DOCK1: variants seen among roughly 807,000 people sequenced by gnomAD.
The protein encoded by DOCK1 is dedicator of cytokinesis 1, also known as dedicator of cytokinesis protein 1.
A neutral mutation model predicts 262.7 loss-of-function variants in DOCK1; 138 were observed. The ratio of observed to expected loss-of-function variants is 0.53; its 90% CI spans 0.46 to 0.61. DOCK1 has a LOEUF of 0.61. Among genes scored for constraint, DOCK1 ranks in the 20% least tolerant of loss-of-function variants. The probability of loss-of-function intolerance (pLI) is 0.00; values close to 1 mark genes in which losing one functional copy is unlikely to be tolerated. For missense variants in DOCK1, 1,908 were observed against 2,370.7 expected, an observed-to-expected ratio of 0.80 and a Z score of 4.05; for synonymous variants, 866 against 867.4, an observed-to-expected ratio of 1.00 and a Z score of 0.03.
At position 127,232,547 on chromosome 10, in the gene DOCK1, G is replaced by C. The variant is rs535516487; in HGVS notation, c.2848-15461G>C. Among the ~76,000 whole-genome samples the C allele has an allele frequency of 2.0e-3, 298 of 152,240 alleles. 2 individuals are homozygous for C. The highest frequency in any genetic ancestry group is 6.7e-3 in the African/African-American group (280 of 41,548). ...TGATAATGATTTTATACTAAATAAT[G>C]GTGATATTCCTACCATATTTACCAC... On this transcript the variant is annotated intron_variant, in intron 27 of 51. Transcript: ENST00000623213.
At chr10:126,949,093 G>C (rs886329644) in intron 1 of DOCK1, among the ~76,000 whole-genome samples, 4 of 152,068 alleles carry the variant, frequency 2.6e-5, no homozygotes, top group Admixed American at 1.3e-4. Context: ...ACGTTCTGCT[G>C]GGGGGAGGTG....
chr10:127,378,016 A>G (rs1196863830), intron 35 of DOCK1, among the ~76,000 whole-genome samples: 1 of 152,042 alleles, frequency 6.6e-6, no homozygotes, highest in African/African-American at 2.4e-5. Context: ...TGGAACTTGG[A>G]TGTATATTTG....
chr10:126,929,983 C>G (rs2034066506), intron 1 of DOCK1, among the ~76,000 whole-genome samples: 1 of 152,160 alleles, frequency 6.6e-6, no homozygotes, highest in Non-Finnish European at 1.5e-5. Flanking sequence ...CCTCTTCCCC[C>G]AGCTCCTGGC....
intron 1 of DOCK1, among the ~76,000 whole-genome samples, chr10:126,918,196 C>T (rs890181124): frequency 6.6e-6 from 1 of 151,206 alleles, no homozygotes; most frequent in African/African-American, 2.5e-5. Flanking sequence ...GGGGACTCCA[C>T]TGATGCCTGG....
chr10:126,940,072 C>T (rs996961175), intron 1 of DOCK1, among the ~76,000 whole-genome samples: 1 of 152,162 alleles, frequency 6.6e-6, no homozygotes, highest in African/African-American at 2.4e-5. Context: ...AGTGCCTTTC[C>T]AACCTTTGAG....
At chr10:127,241,327 TAAC>T (rs1369529318) in intron 27 of DOCK1, among the ~76,000 whole-genome samples, 2 of 152,100 alleles carry the variant, frequency 1.3e-5, no homozygotes, top group Admixed American at 1.3e-4. Context: ...TCAAAAATAA[TAAC>T]AATAATAATT....
intron 27 of DOCK1, among the ~76,000 whole-genome samples, chr10:127,186,621 G>C (rs1004448407): frequency 6.7e-6 from 1 of 150,298 alleles, no homozygotes; most frequent in African/African-American, 2.5e-5. Context: ...GAGCCAAACC[G>C]TATCAGAGGG....
At chr10:127,305,825 CGTTTT>C (rs2061852700) in intron 29 of DOCK1, among the ~76,000 whole-genome samples, 1 of 152,148 alleles carries the variant, frequency 6.6e-6, no homozygotes, top group South Asian at 2.1e-4. Context: ...AGTAGTTTTT[CGTTTT>C]GTTTTTTCAG....
chr10:127,123,321 A>G (rs2133052428), intron 25 of DOCK1, among the ~76,000 whole-genome samples: 1 of 152,286 alleles, frequency 6.6e-6, no homozygotes, highest in Admixed American at 6.5e-5. Flanking sequence ...TGACCAAGTG[A>G]CAGGGTTGGG....
rs530588930 is a variant in DOCK1, at chr10:126,983,267, G to A, written c.227+1294G>A. On this transcript the variant is annotated intron_variant, in intron 4 of 51. Transcript: ENST00000623213. ...TTGCCACGGCCACTCAAGCCTAGCT[G>A]CCCAACAGCTCCTTCCCTGAAGAAC... Among the ~76,000 whole-genome samples, 7 of 152,268 alleles carry A rather than the reference G, an allele frequency of 4.6e-5. No homozygotes were observed. The South Asian group carries it at 1.4e-3, about 32-fold the overall frequency.
chr10:127,332,552 G>A (rs905789021), intron 29 of DOCK1, among the ~76,000 whole-genome samples: 4 of 151,920 alleles, frequency 2.6e-5, no homozygotes, highest in African/African-American at 9.7e-5. Flanking sequence ...CCACATCCCC[G>A]TCTCTCACGG....
At chr10:127,068,277 A>G (rs1024526435) in intron 23 of DOCK1, among the ~76,000 whole-genome samples, 2 of 152,196 alleles carry the variant, frequency 1.3e-5, no homozygotes, top group Non-Finnish European at 2.9e-5. Context: ...TCTGGGATCC[A>G]CACGGCTACT....
intron 29 of DOCK1, among the ~76,000 whole-genome samples, chr10:127,309,572 G>A (rs1423944122): frequency 1.3e-5 from 2 of 152,078 alleles, no homozygotes; most frequent in Non-Finnish European, 2.9e-5. Flanking sequence ...TATCATTTTG[G>A]GTTTTACATG....
intron 22 of DOCK1, among the ~76,000 whole-genome samples, chr10:127,053,522 A>G (rs1378816470): frequency 2.0e-5 from 3 of 152,206 alleles, no homozygotes; most frequent in Non-Finnish European, 2.9e-5. Context: ...GCTTTAGCCT[A>G]GTGACAGTTT....
At chr10:127,093,231 C>CTTTCTTTCTTTCTTTTCT (rs1564797651) in intron 23 of DOCK1, among the ~76,000 whole-genome samples, 2 of 120,140 alleles carry the variant, frequency 1.7e-5, no homozygotes, top group Non-Finnish European at 3.3e-5. Context: ...TTCTTTCTTT[C>CTTTCTTTCTTTCTTTTCT]TTTCTTTCTT....
At chr10:126,938,229 G>T (rs1322760312) in intron 1 of DOCK1, among the ~76,000 whole-genome samples, 1 of 152,040 alleles carries the variant, frequency 6.6e-6, no homozygotes, top group Non-Finnish European at 1.5e-5. Flanking sequence ...TGTATTTTTA[G>T]TAGAGACAGG....
intron 24 of DOCK1, 41 bp from the exon 25 acceptor site, chr10:127,110,207 T>C: frequency 6.6e-7 from 1 of 1,520,648 alleles, no homozygotes; most frequent in Non-Finnish European, 9.0e-7. Context: ...ATCCTTTTGC[T>C]ATGTGTCTCA....
chr10:127,381,447 C>A, intron 37 of DOCK1, 79 bp downstream of exon 37: 1 of 1,338,296 alleles, frequency 7.5e-7, no homozygotes. Context: ...TTTTCCATGG[C>A]AAATTTTAGT....
In DOCK1 at chr10:126,990,597, G is replaced by T. The variant is rs764984706; in HGVS notation, c.467G>T (p.Gly156Val). The part of the protein sequence containing the change: ...KKKVTAKIDY[G>V]NRILDLDLVV... ...AAGGTCACAGCCAAAATTGATTATG[G>T]AAACAGGTTTGTTTATTTGAAAGAT... Residue 156 changes from glycine to valine, a missense_variant, in exon 6 of 52, where the codon GGA (glycine) becomes GTA (valine). Transcript: ENST00000623213. 1.1e-5 allele frequency: 17 copies of T among 1,613,302 alleles called. No individual in the cohort carries two copies.
Sources: gnomAD v4.1 joint callset for allele counts (sites outside exome capture counted in the v4.1 genomes callset) on GRCh38, gnomAD v4.1.1 for gene constraint, MANE v1.5 for transcripts, NCBI Gene and HGNC (gene_info 2026-07-23, HGNC 2026-07-21) for gene names.